TMBIM1: variants seen among roughly 807,000 people sequenced by gnomAD.
TMBIM1 encodes the protein transmembrane BAX inhibitor motif containing 1.
In TMBIM1, 34 loss-of-function variants were observed where a neutral mutation model predicts 45.1. That is an observed-to-expected ratio of 0.75 (90% CI 0.57 to 1.00). The LOEUF is 1.00. Ranked by LOEUF, TMBIM1 falls within the 50% of genes least tolerant of loss-of-function variation. TMBIM1 has a pLI of 0.00. For synonymous variants in TMBIM1, 157 were observed against 153.5 expected (o/e 1.02, Z -0.17); for missense variants, 374 against 402.4 (o/e 0.93, Z 0.60).
At position 218,283,185 on chromosome 2, in the gene TMBIM1, G is replaced by A. The variant is rs575457422; in HGVS notation, c.-40-1004C>T. Among the ~76,000 whole-genome samples, 3 of 152,320 alleles carry A rather than the reference G, an allele frequency of 2.0e-5. No individual in the cohort carries two copies. The East Asian group carries it at 5.8e-4, about 29-fold the overall frequency. ...CAGGGGAGGGCCAAGAAACCAGGGG[G>A]AGGGAACCCCAAACTGGAGTTGGAA... On this transcript the variant is annotated intron_variant, in intron 1 of 11. Coordinates refer to ENST00000258412, the MANE Select transcript of TMBIM1 (RefSeq NM_022152.6).
intron 1 of TMBIM1, among the ~76,000 whole-genome samples, chr2:218,287,492 G>T (rs963862082): frequency 1.3e-5 from 2 of 152,074 alleles, no homozygotes. Flanking sequence ...GGTGGATCAC[G>T]AGGTCAGGAG....
At position 218,275,168 on chromosome 2, in the gene TMBIM1, T is replaced by G. The variant is rs1300540166; in HGVS notation, c.*307A>C. ...AGCTATCGAATAGGCTCTTTTCATATTCCTCACAACCCCAGCTGTTAGGAA... is the reference window on the plus strand; with the variant it reads ...AGCTATCGAATAGGCTCTTTTCATAGTCCTCACAACCCCAGCTGTTAGGAA... On this transcript the variant is annotated 3_prime_UTR_variant, in exon 12 of 12. Coordinates refer to ENST00000258412, the MANE Select transcript of TMBIM1 (RefSeq NM_022152.6). 1 of 251,424 alleles carries G rather than the reference T, an allele frequency of 4.0e-6. No homozygotes were observed. Among genetic ancestry groups the G allele is most frequent in the Non-Finnish European group, 7.5e-6 (1 of 132,878 alleles). 15.6% of individuals were successfully genotyped at this position (251,424 alleles called of 1,614,324 possible).
chr2:218,285,296 T>A lies in TMBIM1; in HGVS notation c.-40-3115A>T, dbSNP rs546930665. Among the ~76,000 whole-genome samples the A allele has an allele frequency of 8.5e-5, 13 of 152,308 alleles. 1 individual carries two copies. The South Asian group carries it at 2.5e-3, about 29-fold the overall frequency. On this transcript the variant is annotated intron_variant, in intron 1 of 11. Coordinates refer to ENST00000258412, the MANE Select transcript of TMBIM1 (RefSeq NM_022152.6). ...CCAAGATAACCTAGCTAGAGTGTGA[T>A]GAAGTCAAAATGAGCCCCAAGACTG...
In TMBIM1 at chr2:218,282,090, G is replaced by A. The variant is rs768931443; in HGVS notation, c.52C>T (p.Pro18Ser). 6.3e-7 allele frequency: 1 copy of A among 1,575,334 alleles called. No individual in the cohort carries two copies. Among genetic ancestry groups the A allele is most frequent in the Non-Finnish European group, 8.6e-7 (1 of 1,161,424 alleles). Reference sequence around the variant, plus strand: ...TAGCCCCCAGGGGGCGGAGGGCCTGGGTACAGGGGGTTGCGGTCTTCATAT... The same window carrying A: ...TAGCCCCCAGGGGGCGGAGGGCCTGAGTACAGGGGGTTGCGGTCTTCATAT... ...PPYEDRNPLYPGPPPPGGYGQ... is the reference protein window; with the variant it reads ...PPYEDRNPLYSGPPPPGGYGQ... Residue 18 changes from proline to serine, a missense_variant, in exon 2 of 12, where the codon CCA (proline) becomes TCA (serine). Pro to Ser is a moderately conservative substitution (Grantham distance 74). Coordinates refer to ENST00000258412, the MANE Select transcript of TMBIM1 (RefSeq NM_022152.6).
chr2:218,278,431 T>C (rs189950312), intron 6 of TMBIM1, 84 bp downstream of exon 6: 7 of 1,382,646 alleles, frequency 5.1e-6, no homozygotes, highest in Admixed American at 1.7e-5. Context: ...TCAGCTGCTA[T>C]AAAGGAATCC....
In TMBIM1 at chr2:218,281,942, T is replaced by G. The variant is rs534943687; in HGVS notation, c.200A>C (p.Tyr67Ser). Residue 67 changes from tyrosine (Y) to serine (S), a missense_variant and splice_region_variant, in exon 2 of 12, where the codon TAC becomes TCC. Tyr to Ser is a moderately radical substitution (Grantham distance 144). Transcript: ENST00000258412. ...CCATCTGCCCTTCCAGGACTCACCG[T>G]AGTTCATGGGCATCGGGTGGGTGGG... ...MPPTHPMPMN[Y>S]GPGHGYDGEE... The G allele has an allele frequency of 3.8e-6, 6 of 1,594,374 alleles. No individual in the cohort carries two copies. The African/African-American group carries it at 6.7e-5, about 18-fold the overall frequency.
intron 5 of TMBIM1, among the ~76,000 whole-genome samples, 196 bp downstream of exon 5, chr2:218,278,842 A>G (rs1464410654): frequency 1.3e-5 from 2 of 152,108 alleles, no homozygotes; most frequent in Non-Finnish European, 2.9e-5. Context: ...AGCAGGTCCC[A>G]CTCTTGCTCT....
At chr2:218,284,521 G>A (rs773441151) in intron 1 of TMBIM1, among the ~76,000 whole-genome samples, 8 of 152,254 alleles carry the variant, frequency 5.3e-5, no homozygotes, top group Non-Finnish European at 1.0e-4. Flanking sequence ...AGGTTCTGGT[G>A]CAGCTCAGCG....
At chr2:218,279,430 T>G (rs1691630808) in intron 3 of TMBIM1, 77 bp from the exon 4 acceptor site, 2 of 1,337,736 alleles carry the variant, frequency 1.5e-6, no homozygotes, top group South Asian at 3.0e-5. Context: ...CCCCCAGTAC[T>G]TTCCTCCCAC....
At position 218,277,000 on chromosome 2, in the gene TMBIM1, T is replaced by C; in HGVS notation, c.735+4A>G. On this transcript the variant is annotated splice_donor_region_variant and intron_variant, in intron 10 of 11. Coordinates refer to ENST00000258412, the MANE Select transcript of TMBIM1 (RefSeq NM_022152.6). ...CCTGACCCCAGCTCTCCTGGGACAC[T>C]CACGTATTGGAAGTAGAGCACAATG... 8 of 1,613,222 alleles carry C rather than the reference T, an allele frequency of 5.0e-6. No homozygotes were observed. Among genetic ancestry groups the C allele is most frequent in the African/African-American group, 1.3e-5 (1 of 75,004 alleles).
At chr2:218,277,904 C>T (rs1203436084) in intron 7 of TMBIM1, 31 bp downstream of exon 7, 11 of 1,613,926 alleles carry the variant, frequency 6.8e-6, no homozygotes, top group African/African-American at 6.7e-5. Flanking sequence ...CACAGCATCT[C>T]CACACCCTCC....
intron 1 of TMBIM1, chr2:218,287,129 G>T (rs539153715): frequency 6.6e-6 from 1 of 152,284 alleles, no homozygotes; most frequent in Non-Finnish European, 1.5e-5. Context: ...CATCAGCCTG[G>T]ACTTTGGGAC....
intron 7 of TMBIM1, 80 bp downstream of exon 7, chr2:218,277,855 G>A: frequency 6.3e-7 from 1 of 1,596,086 alleles, no homozygotes; most frequent in Admixed American, 1.7e-5. Context: ...ACATCCTTCT[G>A]AAATGGGTCC....
chr2:218,278,183 A>G (rs1421627693), intron 6 of TMBIM1: 1 of 622,008 alleles, frequency 1.6e-6, no homozygotes, highest in Non-Finnish European at 2.8e-6. Flanking sequence ...GTGGCGCCAG[A>G]AACACCTGGA....
intron 1 of TMBIM1, among the ~76,000 whole-genome samples, chr2:218,284,773 T>A (rs372417475): frequency 1.3e-5 from 2 of 152,092 alleles, no homozygotes; most frequent in African/African-American, 4.8e-5. Context: ...CTCCACGGGG[T>A]TGCTATAAAA....
At chr2:218,279,235 G>A (rs1327624249) in intron 4 of TMBIM1, 54 bp downstream of exon 4, 3 of 1,560,220 alleles carry the variant, frequency 1.9e-6, no homozygotes, top group Non-Finnish European at 2.6e-6. Context: ...CCCCCAGCAG[G>A]TGACCCTGAA....
chr2:218,278,590 A>G (rs774736331), intron 5 of TMBIM1, 25 bp from the exon 6 acceptor site: 1 of 1,614,042 alleles, frequency 6.2e-7, no homozygotes, highest in Non-Finnish European at 8.5e-7. Context: ...ATGGGGAAGC[A>G]GTTCAGGCCC....
chr2:218,287,014 T>C (rs899149665), intron 1 of TMBIM1, among the ~76,000 whole-genome samples: 5 of 152,108 alleles, frequency 3.3e-5, no homozygotes, highest in African/African-American at 1.2e-4. Flanking sequence ...GCTGACCTCA[T>C]AGCCACGAGA....
rs1306351996 is a variant in TMBIM1 at position 218,275,996 on chromosome 2, T to C, written c.789+30A>G. 6 of 1,602,652 alleles carry C rather than the reference T, an allele frequency of 3.7e-6. No individual in the cohort carries two copies. The East Asian group carries it at 1.3e-4, about 36-fold the overall frequency. On this transcript the variant is annotated intron_variant, in intron 11 of 11. Transcript: ENST00000258412. Reference sequence around the variant, plus strand: ...AGATTCCTCCCCTCATCCCCTCAGCTCCCCTTCCTAGAGTGGGGCTGGGAC... The same window carrying C: ...AGATTCCTCCCCTCATCCCCTCAGCCCCCCTTCCTAGAGTGGGGCTGGGAC...
Sources: allele counts gnomAD v4.1 joint callset (sites outside exome capture counted in the v4.1 genomes callset), GRCh38; gene constraint gnomAD v4.1.1; transcripts MANE v1.5; gene names NCBI Gene and HGNC (gene_info 2026-07-23, HGNC 2026-07-21).